Variants in SV2C observed in about 807,000 individuals in gnomAD.
SV2C encodes the protein synaptic vesicle glycoprotein 2C.
SV2C carries 49 observed loss-of-function variants against 79.7 expected under a neutral mutation model. The ratio of observed to expected loss-of-function variants is 0.61; its 90% CI spans 0.49 to 0.78. The LOEUF (loss-of-function observed/expected upper bound fraction) is 0.78, where lower values mean the gene tolerates loss of function less well. Ranked by LOEUF, SV2C falls within the 30% of genes least tolerant of loss-of-function variation. The probability of loss-of-function intolerance (pLI) is 0.00; values close to 1 mark genes in which losing one functional copy is unlikely to be tolerated. For missense variants in SV2C, 833 were observed against 912.9 expected (o/e 0.91, Z 1.13); for synonymous variants, 334 against 333.2 (o/e 1.00, Z -0.03).
intron 4 of SV2C, chr5:76,281,397 T>TAA (rs745421752): frequency 3.2e-4 from 59 of 182,736 alleles, no homozygotes; most frequent in Middle Eastern, 2.2e-3. Context: ...TTATGCAAAG[T>TAA]AAAAAAAAAA....
intron 4 of SV2C, among the ~76,000 whole-genome samples, chr5:76,214,000 A>T (rs758053159): frequency 1.3e-5 from 2 of 152,198 alleles, no homozygotes; most frequent in Non-Finnish European, 2.9e-5. Context: ...TTCACTTAAC[A>T]TAATGCCTTC....
At chr5:76,305,519 T>C (rs962346550) in intron 12 of SV2C, among the ~76,000 whole-genome samples, 1 of 152,182 alleles carries the variant, frequency 6.6e-6, no homozygotes, top group Non-Finnish European at 1.5e-5. Context: ...AGAGCCTGTG[T>C]CTCTGCTAAA....
chr5:75,926,730 A>T, the SV2C span, among the ~76,000 whole-genome samples: 1 of 152,218 alleles, frequency 6.6e-6, no homozygotes, highest in Admixed American at 6.5e-5. Context: ...TTCCTGCCAA[A>T]CTGCATGTAT....
the SV2C span, among the ~76,000 whole-genome samples, chr5:76,048,077 T>G: frequency 6.6e-6 from 1 of 152,224 alleles, no homozygotes; most frequent in East Asian, 1.9e-4. Context: ...AATGTATATA[T>G]ACTTCAAAAT....
chr5:76,284,022 A>G (rs1385828570), intron 4 of SV2C, among the ~76,000 whole-genome samples: 2 of 152,218 alleles, frequency 1.3e-5, no homozygotes, highest in African/African-American at 4.8e-5. Context: ...AATACCAAGC[A>G]TTGCTATAAA....
At chr5:75,905,024 G>A in the SV2C span, among the ~76,000 whole-genome samples, 12 of 152,160 alleles carry the variant, frequency 7.9e-5, no homozygotes, top group Admixed American at 7.9e-4. Flanking sequence ...ATAACTGGAG[G>A]TAAAAATGAC....
chr5:75,988,989 A>G, the SV2C span, among the ~76,000 whole-genome samples: 8 of 151,746 alleles, frequency 5.3e-5, no homozygotes, highest in East Asian at 1.6e-3. Context: ...AACTACAACC[A>G]CTTTCCTTTG....
chr5:76,321,291 T>C (rs1314182505), intron 12 of SV2C, among the ~76,000 whole-genome samples: 1 of 127,644 alleles, frequency 7.8e-6, no homozygotes, highest in Non-Finnish European at 1.7e-5. Context: ...TGCATTTCCC[T>C]CTTAGGGGGA....
the SV2C span, among the ~76,000 whole-genome samples, chr5:76,047,723 T>C: frequency 6.6e-6 from 1 of 151,962 alleles, no homozygotes. Flanking sequence ...TTGTATAACA[T>C]AGGGACTATA....
chr5:75,945,457 G>A, the SV2C span, among the ~76,000 whole-genome samples: 1,522 of 151,474 alleles, frequency 0.01, 27 homozygotes, highest in African/African-American at 0.035. Context: ...GACTACAGGT[G>A]CATGCCACCA....
intron 1 of SV2C, among the ~76,000 whole-genome samples, chr5:76,123,213 T>C (rs1168204086): frequency 6.6e-6 from 1 of 152,074 alleles, no homozygotes; most frequent in Non-Finnish European, 1.5e-5. Flanking sequence ...AATAACAGGC[T>C]CTGAAATTGT....
At position 76,300,792 on chromosome 5, in the gene SV2C, C is replaced by T. The variant is rs781226822; in HGVS notation, c.1700C>T (p.Thr567Met). The T allele has an allele frequency of 2.2e-5, 35 of 1,613,962 alleles. No individual in the cohort carries two copies. The Admixed American group carries it at 4.8e-4, about 22-fold the overall frequency. Residue 567 changes from threonine (T) to methionine (M), a missense_variant, in exon 11 of 13, where the codon ACG (threonine) becomes ATG (methionine). Coordinates refer to ENST00000502798, the MANE Select transcript of SV2C (RefSeq NM_014979.4). ...AACTGCTCGTTTTTTCACAACAAGA[C>T]GGGATGTCAGATTACCTTTGATGAT... ...FKNCSFFHNK[T>M]GCQITFDDDY...
the SV2C span, among the ~76,000 whole-genome samples, chr5:76,066,338 T>C: frequency 6.6e-6 from 1 of 151,000 alleles, no homozygotes; most frequent in Non-Finnish European, 1.5e-5. Flanking sequence ...CTCAGCAAAC[T>C]CTCACAAGAA....
chr5:75,912,438 G>T, the SV2C span, among the ~76,000 whole-genome samples: 1 of 152,122 alleles, frequency 6.6e-6, no homozygotes, highest in Non-Finnish European at 1.5e-5. Context: ...GGCTGCAGTG[G>T]GGTGGAGCGT....
chr5:75,971,622 C>T, the SV2C span, among the ~76,000 whole-genome samples: 8 of 152,080 alleles, frequency 5.3e-5, no homozygotes, highest in African/African-American at 1.7e-4. Context: ...TTACAAGGGA[C>T]ATGAATGACC....
At chr5:76,305,284 T>G (rs1430597982) in intron 12 of SV2C, among the ~76,000 whole-genome samples, 1 of 152,188 alleles carries the variant, frequency 6.6e-6, no homozygotes, top group Non-Finnish European at 1.5e-5. Flanking sequence ...TAGGATTACA[T>G]TTGCATTTAC....
intron 10 of SV2C, 124 bp downstream of exon 10, chr5:76,299,051 G>A (rs1419929928): frequency 1.7e-6 from 2 of 1,171,404 alleles, no homozygotes; most frequent in Admixed American, 5.9e-5. Flanking sequence ...AATGGAACAA[G>A]TTCTCTAAAT....
At chr5:76,242,171 T>G in intron 4 of SV2C, 1 of 1,113,286 alleles carries the variant, frequency 9.0e-7, no homozygotes, top group Non-Finnish European at 1.4e-6. Context: ...CAGGGGCCTT[T>G]TAGGCGTGGG....
chr5:76,071,616 T>C, the SV2C span, among the ~76,000 whole-genome samples: 3 of 152,204 alleles, frequency 2.0e-5, no homozygotes, highest in Non-Finnish European at 4.4e-5. Context: ...CAAAAAGCCA[T>C]TTGTGACCCA....
Sources: gnomAD v4.1 joint callset for allele counts (sites outside exome capture counted in the v4.1 genomes callset) on GRCh38, gnomAD v4.1.1 for gene constraint, MANE v1.5 for transcripts, NCBI Gene and HGNC (gene_info 2026-07-23, HGNC 2026-07-21) for gene names.